Variants in SLC52A3 observed in about 807,000 individuals in gnomAD.
The protein encoded by SLC52A3 is solute carrier family 52, riboflavin transporter, member 3.
Under a neutral mutation model 29.5 loss-of-function variants are expected in SLC52A3, and 20 were observed. The observed-to-expected ratio is 0.68, with a 90% CI of 0.48 to 0.99. The LOEUF (loss-of-function observed/expected upper bound fraction) is 0.99, where lower values mean the gene tolerates loss of function less well. Ranked by LOEUF, SLC52A3 falls within the 50% of genes least tolerant of loss-of-function variation. The probability of loss-of-function intolerance (pLI) is 0.00; values close to 1 mark genes in which losing one functional copy is unlikely to be tolerated. For missense variants in SLC52A3, 548 were observed against 612.9 expected (o/e 0.89, Z 1.12); for synonymous variants, 301 against 271.0 (o/e 1.11, Z -1.09).
In SLC52A3 at chr20:761,879, C is replaced by A; in HGVS notation, c.1074-55G>T. ...GTGAGAAGCCTGACCTCTGACCCCCCCGCCCCACTGGGCGGCATGTGGATG... is the reference window on the plus strand; with the variant it reads ...GTGAGAAGCCTGACCTCTGACCCCCACGCCCCACTGGGCGGCATGTGGATG... On this transcript the variant is annotated intron_variant, in intron 3 of 4. Transcript: ENST00000645534. 3 of 1,612,792 alleles carry A rather than the reference C, an allele frequency of 1.9e-6. No individual in the cohort carries two copies. The South Asian group carries it at 3.3e-5, about 18-fold the overall frequency.
At chr20:769,903 G>T (rs796447561), upstream of SLC52A3, among the ~76,000 whole-genome samples, 8 of 151,250 alleles carry the variant, frequency 5.3e-5, no homozygotes, top group African/African-American at 1.7e-4. Flanking sequence ...TCTTAAAAAA[G>T]AAAAAATAAA....
chr20:765,381 G>A lies in SLC52A3; in HGVS notation c.394C>T (p.Arg132Trp), dbSNP rs267606684. 2.7e-5 allele frequency: 44 copies of A among 1,614,088 alleles called. No individual in the cohort carries two copies. The highest frequency in any genetic ancestry group is 9.9e-5 in the South Asian group (9 of 91,066). ...GTGGTGAGGTAGTAGGTGGGCAGCC[G>A]GCTCATGAACGGCAGGAAGGTCACT... The part of the protein sequence containing the change: ...SSVTFLPFMS[R>W]LPTYYLTTFF... The change falls in exon 2 of 5, where the codon CGG becomes TGG. Residue 132 changes from arginine to tryptophan, a missense_variant. Transcript: ENST00000645534. This position sits in a 1 kb window ranked among gnomAD's most constrained non-coding sequence, Gnocchi z 6.6.
chr20:768,078 C>T (rs1986742313), intron 1 of SLC52A3, among the ~76,000 whole-genome samples: 1 of 152,154 alleles, frequency 6.6e-6, no homozygotes, highest in Non-Finnish European at 1.5e-5. Flanking sequence ...ATAGTATGAA[C>T]TCCGTGGTTT....
At position 765,829 on chromosome 20, in the gene SLC52A3, G is replaced by A; in HGVS notation, c.-51-4C>T. The A allele has an allele frequency of 6.5e-7, 1 of 1,537,446 alleles. No homozygotes were observed. The highest frequency in any genetic ancestry group is 8.9e-7 in the Non-Finnish European group (1 of 1,122,640). On this transcript the variant is annotated splice_polypyrimidine_tract_variant and splice_region_variant and intron_variant, in intron 1 of 4. Coordinates refer to ENST00000645534, the MANE Select transcript of SLC52A3 (RefSeq NM_033409.4). This position sits in a 1 kb window ranked among gnomAD's most constrained non-coding sequence, Gnocchi z 6.6. ...CTCAGATCAGCCTGCAGCGGGGCTGGCAGAGAAGGACACCAGGTGAGTAAT... is the reference window on the plus strand; with the variant it reads ...CTCAGATCAGCCTGCAGCGGGGCTGACAGAGAAGGACACCAGGTGAGTAAT...
rs560798718 is a variant in SLC52A3, at chr20:774,306, C to G, written c.-238+1649G>C. ...AGCCTGACACTGGATACATCTCACTCCTGGGCAAGGGTCTGAGCCAATTCT... is the reference window on the plus strand; with the variant it reads ...AGCCTGACACTGGATACATCTCACTGCTGGGCAAGGGTCTGAGCCAATTCT... On this transcript the variant is annotated intron_variant, in intron 1 of 5. Transcript: ENST00000217254. 2.6e-5 allele frequency among the ~76,000 whole-genome samples: 4 copies of G among 152,346 alleles called. No homozygotes were observed. In the South Asian group the frequency reaches 6.2e-4, roughly 24 times the overall value.
Position 761,052 on chromosome 20 carries a change from A to G in SLC52A3, c.1384T>C (p.Phe462Leu). The change falls in exon 5 of 5, where the codon TTC becomes CTC. Residue 462 changes from phenylalanine to leucine, a missense_variant. Phe to Leu is a conservative substitution (Grantham distance 22). This residue lies in a region of SLC52A3 where 173 missense variants were observed against 141.8 expected (regional missense o/e 1.22). Transcript: ENST00000645534. ...NVLRLFSSAD[F>L]CNLHCPA ...TAGGCTGGACAGTGCAGATTGCAGAAGTCCGCGGACGAGAAGAGCCGCAGC... is the reference window on the plus strand; with the variant it reads ...TAGGCTGGACAGTGCAGATTGCAGAGGTCCGCGGACGAGAAGAGCCGCAGC... 6.2e-7 allele frequency: 1 copy of G among 1,609,272 alleles called. No individual in the cohort carries two copies. The highest frequency in any genetic ancestry group is 8.5e-7 in the Non-Finnish European group (1 of 1,178,466).
At chr20:771,578 A>G (rs1986841235), upstream of SLC52A3, among the ~76,000 whole-genome samples, 1 of 151,904 alleles carries the variant, frequency 6.6e-6, no homozygotes, top group Admixed American at 6.6e-5. Context: ...TCTGAAACTT[A>G]GGTCCTGTCC....
chr20:765,612 G>T lies in SLC52A3; in HGVS notation c.163C>A (p.Pro55Thr). 6.2e-7 allele frequency: 1 copy of T among 1,600,030 alleles called. No individual in the cohort carries two copies. Among genetic ancestry groups the T allele is most frequent in the Admixed American group, 1.8e-5 (1 of 56,958 alleles). The change falls in exon 2 of 5, where the codon CCC (proline) becomes ACC (threonine). Residue 55 changes from proline to threonine, a missense_variant. Physicochemically the swap from Pro to Thr is conservative, Grantham distance 38 (BLOSUM62 -1). Around this residue, in one of 2 missense-constraint regions of SLC52A3, gnomAD observed 375 missense variants for 471.1 expected, o/e 0.80. Transcript: ENST00000645534. The surrounding 1 kb of genome is among the most constrained non-coding windows in gnomAD (Gnocchi z 6.6). ...TGATGGAGCAGGGTGACCAGGAGGG[G>T]CCCGATGTTGGCCAGCTGGATGACC... Reference protein sequence around the residue: ...TVVIQLANIGPLLVTLLHHFR... With the variant: ...TVVIQLANIGTLLVTLLHHFR...
chr20:771,680 A>AAAG (rs887021071), upstream of SLC52A3, among the ~76,000 whole-genome samples: 50 of 151,872 alleles, frequency 3.3e-4, no homozygotes, highest in Non-Finnish European at 7.1e-4. Context: ...AAAAAAAAAA[A>AAAG]AAAAAGGAGA....
chr20:767,885 TACTA>T (rs1352707574), intron 1 of SLC52A3, among the ~76,000 whole-genome samples: 1 of 152,172 alleles, frequency 6.6e-6, no homozygotes, highest in African/African-American at 2.4e-5. Flanking sequence ...CCTGTGCTGT[TACTA>T]ACAACTTTCT....
chr20:761,701 A>G lies in SLC52A3; in HGVS notation c.1197T>C (p.Ile399=). The stretch of plus-strand genomic sequence containing the variant: ...GCAGCCCCACCGGCCGGATACTCAC[A>G]ATGAGGACTTCCCCACCCCAGTGGC... ...LQGHWGGEVL[I]VASWVLFSGC... The change falls in exon 4 of 5, where the codon ATT becomes ATC. Residue 399 remains isoleucine (I), a splice_region_variant and synonymous_variant. Coordinates refer to ENST00000645534, the MANE Select transcript of SLC52A3 (RefSeq NM_033409.4). 1 of 1,613,750 alleles carries G rather than the reference A, an allele frequency of 6.2e-7. No homozygotes were observed. Among genetic ancestry groups the G allele is most frequent in the East Asian group, 2.2e-5 (1 of 44,860 alleles).
upstream of SLC52A3, among the ~76,000 whole-genome samples, chr20:779,392 C>T (rs552256939): frequency 3.3e-5 from 5 of 152,152 alleles, no homozygotes; most frequent in Non-Finnish European, 7.3e-5. Flanking sequence ...GAGGCCAACG[C>T]GGGTGGATCA....
chr20:779,131 C>T (rs913680821), upstream of SLC52A3, among the ~76,000 whole-genome samples: 1 of 152,114 alleles, frequency 6.6e-6, no homozygotes, highest in African/African-American at 2.4e-5. Flanking sequence ...AAGGACTTAT[C>T]ATCTTTGATA....
chr20:772,443 ACAGT>A (rs1986870292), upstream of SLC52A3, among the ~76,000 whole-genome samples: 1 of 152,232 alleles, frequency 6.6e-6, no homozygotes, highest in South Asian at 2.1e-4. Context: ...ACAGTGAGGA[ACAGT>A]CATTAATGTC....
chr20:774,831 C>T (rs1336734398), intron 1 of SLC52A3, among the ~76,000 whole-genome samples: 2 of 152,226 alleles, frequency 1.3e-5, no homozygotes, highest in Non-Finnish European at 2.9e-5. Flanking sequence ...GATAGTGCTT[C>T]CCCGAACCCT....
Position 761,762 on chromosome 20 carries a change from G to A in SLC52A3, c.1136C>T (p.Ala379Val), listed in dbSNP as rs1986494908. Residue 379 changes from alanine (A) to valine (V), a missense_variant, in exon 4 of 5, where the codon GCC (alanine) becomes GTC (valine). Ala to Val is a moderately conservative substitution (Grantham distance 64). Coordinates refer to ENST00000645534, the MANE Select transcript of SLC52A3 (RefSeq NM_033409.4). ...GGGGCAGGGGCTCATCACCGCCATG[G>A]CCATGTTGTAGCCCCCAAAGCAGGT... is the stretch of plus-strand genomic sequence containing the variant. ...LGTCFGGYNM[A>V]MAVMSPCPLL... 2 of 1,614,082 alleles carry A rather than the reference G, an allele frequency of 1.2e-6. No homozygotes were observed. Among genetic ancestry groups the A allele is most frequent in the Non-Finnish European group, 1.7e-6 (2 of 1,180,020 alleles).
At chr20:763,304 C>T (rs922776194) in intron 3 of SLC52A3, among the ~76,000 whole-genome samples, 194 bp downstream of exon 3, 3 of 152,224 alleles carry the variant, frequency 2.0e-5, no homozygotes, top group Admixed American at 2.0e-4. Context: ...GATAAATATC[C>T]CTGAGGCACA....
Position 761,131 on chromosome 20 carries a change from C to G in SLC52A3, c.1305G>C (p.Ala435=), listed in dbSNP as rs916884530. The change falls in exon 5 of 5, where the codon GCG becomes GCC. Residue 435 remains alanine, a synonymous_variant. Coordinates refer to ENST00000645534, the MANE Select transcript of SLC52A3 (RefSeq NM_033409.4). ...CTCCGAGCAGCGAGCCCAGCTGCACCGCCGCCCCGCACCACAAGAGGGCGC... is the reference window on the plus strand; with the variant it reads ...CTCCGAGCAGCGAGCCCAGCTGCACGGCCGCCCCGCACCACAAGAGGGCGC... The part of the protein sequence containing the change: ...SRSALLWCGA[A]VQLGSLLGAL... 5 of 1,593,898 alleles carry G rather than the reference C, an allele frequency of 3.1e-6. No individual in the cohort carries two copies. Among genetic ancestry groups the G allele is most frequent in the Non-Finnish European group, 4.3e-6 (5 of 1,171,562 alleles).
At position 765,220 on chromosome 20, in the gene SLC52A3, A is replaced by C. The variant is rs1348871066; in HGVS notation, c.555T>G (p.Thr185=). Residue 185 remains threonine, a synonymous_variant, in exon 2 of 5, where the codon ACT becomes ACG. Coordinates refer to ENST00000645534, the MANE Select transcript of SLC52A3 (RefSeq NM_033409.4). The surrounding 1 kb of genome is among the most constrained non-coding windows in gnomAD (Gnocchi z 6.6). The stretch of plus-strand genomic sequence containing the variant: ...TGATGCTGGGTACCTGTGCGATGTC[A>C]GTCTCCCTCGTGGGTACAGGGCTTG... The part of the protein sequence containing the change: ...SVPSPVPTRE[T]DIAQGVPRAL... The C allele has an allele frequency of 1.2e-6, 2 of 1,614,154 alleles. No homozygotes were observed. The highest frequency in any genetic ancestry group is 1.7e-6 in the Non-Finnish European group (2 of 1,180,014).
Sources: gnomAD v4.1 joint callset for allele counts (sites outside exome capture counted in the v4.1 genomes callset) on GRCh38, gnomAD v4.1.1 for gene constraint, gnomAD v4.1.1 regional missense constraint, Gnocchi (gnomAD v3.1) non-coding constraint, MANE v1.5 for transcripts, NCBI Gene and HGNC (gene_info 2026-07-23, HGNC 2026-07-21) for gene names.